Variants in SORL1 observed in about 807,000 individuals in gnomAD.
SORL1 encodes the protein sortilin-related receptor.
Under a neutral mutation model 273.7 loss-of-function variants are expected in SORL1, and 127 were observed. The observed-to-expected ratio is 0.46, with a 90% CI of 0.40 to 0.54. The LOEUF (loss-of-function observed/expected upper bound fraction) is 0.54. Ranked by LOEUF, SORL1 falls within the 20% of genes least tolerant of loss-of-function variation. The pLI, the probability that SORL1 is intolerant of heterozygous loss-of-function variation, is 0.00. For missense variants in SORL1, 2,494 were observed against 2,846.1 expected (o/e 0.88, Z 2.81); for synonymous variants, 1,031 against 1,067.4 (o/e 0.97, Z 0.66).
At position 121,549,947 on chromosome 11, in the gene SORL1, A is replaced by G. The variant is rs773253063; in HGVS notation, c.2052-13A>G. The G allele has an allele frequency of 2.5e-6, 4 of 1,612,720 alleles. No individual in the cohort carries two copies. Among genetic ancestry groups the G allele is most frequent in the Non-Finnish European group, 3.4e-6 (4 of 1,179,128 alleles). ...AAAACCGTGGCCTTAACAAAGCCCA[A>G]TTGCCTTTTTAGTGACTTCGGTTTC... On this transcript the variant is annotated splice_polypyrimidine_tract_variant and intron_variant, in intron 14 of 47. Coordinates refer to ENST00000260197, the MANE Select transcript of SORL1 (RefSeq NM_003105.6).
At chr11:121,569,309 A>C (rs1055538060) in intron 22 of SORL1, among the ~76,000 whole-genome samples, 2 of 151,982 alleles carry the variant, frequency 1.3e-5, no homozygotes, top group Admixed American at 1.3e-4. Context: ...GGGCACCTTG[A>C]AAAAAGAACA....
At chr11:121,455,201 A>G (rs78726537) in intron 1 of SORL1, among the ~76,000 whole-genome samples, 88 of 152,290 alleles carry the variant, frequency 5.8e-4, no homozygotes, top group East Asian at 4.1e-3. Context: ...TCAATGTACC[A>G]GGATGGGAAC....
chr11:121,459,378 A>G (rs3862606), intron 1 of SORL1, among the ~76,000 whole-genome samples: 59,012 of 152,044 alleles, frequency 0.39, 12,304 homozygotes, highest in Middle Eastern at 0.52. Flanking sequence ...ACAGGGCAAT[A>G]AAAGCAAGAG....
At chr11:121,478,299 A>G in intron 3 of SORL1, 56 bp downstream of exon 3, 2 of 1,582,144 alleles carry the variant, frequency 1.3e-6, no homozygotes, top group Non-Finnish European at 1.7e-6. Context: ...TTTTGGAAAG[A>G]TTGCCGCACT....
chr11:121,581,605 T>C (rs1016795407), intron 25 of SORL1, among the ~76,000 whole-genome samples: 2 of 152,174 alleles, frequency 1.3e-5, no homozygotes, highest in Admixed American at 6.5e-5. Context: ...TCAGAGCTCA[T>C]AAGTTACTAA....
chr11:121,607,818 A>AC (rs957792983), intron 37 of SORL1, among the ~76,000 whole-genome samples: 39 of 151,904 alleles, frequency 2.6e-4, no homozygotes, highest in Non-Finnish European at 4.4e-5. Context: ...TTATGAACAC[A>AC]CCCCCCCATA....
chr11:121,484,822 C>T (rs902792983), intron 3 of SORL1, among the ~76,000 whole-genome samples: 2 of 152,100 alleles, frequency 1.3e-5, no homozygotes, highest in African/African-American at 2.4e-5. Flanking sequence ...GGTGTGATGT[C>T]GGCTCATTGC....
At position 121,543,716 on chromosome 11, in the gene SORL1, G is replaced by A. The variant is rs140739692; in HGVS notation, c.1854G>A (p.Thr618=). The A allele has an allele frequency of 6.1e-5, 99 of 1,612,116 alleles. No individual in the cohort carries two copies. The highest frequency in any genetic ancestry group is 7.8e-5 in the Non-Finnish European group (92 of 1,179,240). Residue 618 remains threonine, a synonymous_variant, in exon 13 of 48, where the codon ACG becomes ACA. Coordinates refer to ENST00000260197, the MANE Select transcript of SORL1 (RefSeq NM_003105.6). Reference sequence around the variant, plus strand: ...GGCTGATCCTCCAGGTCAATGCCACGGATGCCTTGGGTAAGCTGCTGCCTC... The same window carrying A: ...GGCTGATCCTCCAGGTCAATGCCACAGATGCCTTGGGTAAGCTGCTGCCTC... ...HSWLILQVNA[T]DALGVPCTEN...
chr11:121,559,689 G>A lies in SORL1; in HGVS notation c.3049+32G>A, dbSNP rs920463767. On this transcript the variant is annotated intron_variant, in intron 21 of 47. Coordinates refer to ENST00000260197, the MANE Select transcript of SORL1 (RefSeq NM_003105.6). ...CAGAGTCTCTTCTTTTGTCTCTGTA[G>A]AGTTGATCTCAAGAAAGGGGCTGCG... The A allele has an allele frequency of 2.5e-6, 4 of 1,607,468 alleles. No homozygotes were observed. In the African/African-American group the frequency reaches 4.0e-5, roughly 16 times the overall value.
intron 26 of SORL1, among the ~76,000 whole-genome samples, chr11:121,585,703 A>G (rs574340352): frequency 1.3e-5 from 2 of 152,078 alleles, no homozygotes; most frequent in East Asian, 1.9e-4. Context: ...ATTTAAGTAT[A>G]CTCTGTATTA....
In SORL1 at chr11:121,629,691, C is replaced by G; in HGVS notation, c.*128C>G. ...TTTTATATGGGCCAAAAACAAAAAA[C>G]AAAAAAAAAAAAAAGGAAAGAAAGG... On this transcript the variant is annotated 3_prime_UTR_variant, in exon 48 of 48. Coordinates refer to ENST00000260197, the MANE Select transcript of SORL1 (RefSeq NM_003105.6). The G allele has an allele frequency of 2.4e-6, 1 of 413,610 alleles. No homozygotes were observed. The highest frequency in any genetic ancestry group is 4.2e-6 in the Non-Finnish European group (1 of 238,472). 25.6% of individuals were successfully genotyped at this position (413,610 alleles called of 1,614,324 possible). A position where few individuals can be genotyped will look rare whatever the true frequency, so the allele number is the denominator to read the frequency against.
Position 121,582,517 on chromosome 11 carries a change from G to A in SORL1, c.3581-941G>A, listed in dbSNP as rs144041719. On this transcript the variant is annotated intron_variant, in intron 25 of 47. Coordinates refer to ENST00000260197, the MANE Select transcript of SORL1 (RefSeq NM_003105.6). The stretch of plus-strand genomic sequence containing the variant: ...GTTTCAGAGGAGGAAGAGGAAATCA[G>A]ATGGAGAGGACCGTTAGGAGTGTTG... Among the ~76,000 whole-genome samples, 573 of 152,360 alleles carry A rather than the reference G, an allele frequency of 3.8e-3. 1 individual carries two copies. The highest frequency in any genetic ancestry group is 0.012 in the African/African-American group (501 of 41,578).
intron 30 of SORL1, 168 bp downstream of exon 30, chr11:121,590,342 T>C: frequency 1.5e-6 from 1 of 649,084 alleles, no homozygotes; most frequent in Admixed American, 3.0e-5. Flanking sequence ...GAAATAAGTG[T>C]GGTTGGTTTC....
rs770721078 is a variant in SORL1, at chr11:121,550,654, C to A, written c.2250C>A (p.Val750=). The change falls in exon 16 of 48, where the codon GTC becomes GTA. Residue 750 remains valine (V), a synonymous_variant. Coordinates refer to ENST00000260197, the MANE Select transcript of SORL1 (RefSeq NM_003105.6). This position sits in a 1 kb window ranked among gnomAD's most constrained non-coding sequence, Gnocchi z 5.3. The part of the protein sequence containing the change: ...DVEARLEGEL[V]PCPLAEENEF... ...AAGCGCGACTGGAAGGAGAGCTGGT[C>A]CCCTGTCCCCTGGCAGGTAAGAGAG... The A allele has an allele frequency of 6.2e-7, 1 of 1,613,476 alleles. No individual in the cohort carries two copies. The highest frequency in any genetic ancestry group is 1.7e-5 in the Admixed American group (1 of 60,004).
At chr11:121,562,364 A>C (rs541422492) in intron 21 of SORL1, among the ~76,000 whole-genome samples, 1 of 152,136 alleles carries the variant, frequency 6.6e-6, no homozygotes, top group South Asian at 2.1e-4. Context: ...CTTATTTGCC[A>C]TTTTGCTTTC....
intron 11 of SORL1, among the ~76,000 whole-genome samples, chr11:121,524,464 A>G (rs1333710624): frequency 6.6e-6 from 1 of 152,242 alleles, no homozygotes; most frequent in Non-Finnish European, 1.5e-5. Context: ...ATTTTGGGAC[A>G]TAGCAGAAAA....
Position 121,488,180 on chromosome 11 carries a change from A to G in SORL1, c.677A>G (p.His226Arg). 6.2e-7 allele frequency: 1 copy of G among 1,613,918 alleles called. No individual in the cohort carries two copies. The highest frequency in any genetic ancestry group is 8.5e-7 in the Non-Finnish European group (1 of 1,179,942). ...CTTCTCTTGGGCTTTGACAGGTCCCACCCCAACAAGCAGGTAAGAGGGCTT... is the reference window on the plus strand; with the variant it reads ...CTTCTCTTGGGCTTTGACAGGTCCCGCCCCAACAAGCAGGTAAGAGGGCTT... The part of the protein sequence containing the change: ...SNLLLGFDRS[H>R]PNKQLWKSDD... The change falls in exon 4 of 48, where the codon CAC becomes CGC. Residue 226 changes from histidine to arginine, a missense_variant. Physicochemically the swap from His to Arg is conservative, Grantham distance 29 (BLOSUM62 0). Around this residue, in one of 3 missense-constraint regions of SORL1, gnomAD observed 710 missense variants for 882.5 expected, o/e 0.80. Coordinates refer to ENST00000260197, the MANE Select transcript of SORL1 (RefSeq NM_003105.6).
At chr11:121,522,874 A>G (rs749604814) in intron 10 of SORL1, 42 bp from the exon 11 acceptor site, 13 of 1,544,352 alleles carry the variant, frequency 8.4e-6, no homozygotes, top group Non-Finnish European at 1.2e-5. Flanking sequence ...ATTATCTGAC[A>G]TATTCTTGAA....
rs972849655 is a variant in SORL1, at chr11:121,632,294, G to C, written c.*2731G>C. ...CTCCTGGATGTATTGAATGCCCCTT[G>C]AGCTTTATGAGATACGAGTCCACAT... is the stretch of plus-strand genomic sequence containing the variant. On this transcript the variant is annotated 3_prime_UTR_variant, in exon 48 of 48. Transcript: ENST00000260197. The C allele has an allele frequency of 4.6e-5, 7 of 152,120 alleles. No individual in the cohort carries two copies. The highest frequency in any genetic ancestry group is 1.0e-4 in the Non-Finnish European group (7 of 68,030). 9.4% of individuals were successfully genotyped at this position (152,120 alleles called of 1,614,324 possible).
Sources: allele counts gnomAD v4.1 joint callset (sites outside exome capture counted in the v4.1 genomes callset), GRCh38; gene constraint gnomAD v4.1.1; regional missense constraint gnomAD v4.1.1; non-coding constraint Gnocchi (gnomAD v3.1); transcripts MANE v1.5; gene names NCBI Gene and HGNC (gene_info 2026-07-23, HGNC 2026-07-21).